The following VSX2 variants were observed in gnomAD, a reference collection of about 807,000 sequenced individuals.
VSX2 encodes visual system homeobox 2.
A neutral mutation model predicts 32.1 loss-of-function variants in VSX2; 28 were observed. That is an observed-to-expected ratio of 0.87 (90% CI 0.65 to 1.20). The LOEUF (loss-of-function observed/expected upper bound fraction) is 1.20. Ranked by LOEUF, VSX2 falls within the 50% of genes most tolerant of loss-of-function variation. The pLI is 0.00. For missense variants in VSX2, 506 were observed against 488.7 expected (o/e 1.04, Z -0.33); for synonymous variants, 243 against 214.1 (o/e 1.14, Z -1.18).
chr14:74,261,703 T>C lies in VSX2; in HGVS notation c.*784T>C, dbSNP rs944317830. ...ATGTACGCTGCGTGCCATGAGTCCA[T>C]GTCCTATGCCTCACAAATGCTGTGG... On this transcript the variant is annotated 3_prime_UTR_variant, in exon 5 of 5. Coordinates refer to ENST00000261980, the MANE Select transcript of VSX2 (RefSeq NM_182894.3). 1.3e-5 allele frequency: 2 copies of C among 152,508 alleles called. No individual in the cohort carries two copies. The highest frequency in any genetic ancestry group is 2.1e-4 in the South Asian group (1 of 4,840). The allele number at this position is 152,508 out of a possible 1,614,324, so 9.4% of individuals were successfully genotyped here. A position where few individuals can be genotyped will look rare whatever the true frequency, so the allele number is the denominator to read the frequency against.
intron 2 of VSX2, among the ~76,000 whole-genome samples, chr14:74,244,915 T>TGAGAGAGAGAGAAAGAGAGAGAGAAA (rs1426281346): frequency 9.4e-5 from 5 of 53,176 alleles, no homozygotes; most frequent in African/African-American, 1.6e-4. Flanking sequence ...TGTGTGTGTG[T>TGAGAGAGAGAGAAAGAGAGAGAGAAA]GTGTGTGTGT....
At chr14:74,258,407 G>C in intron 3 of VSX2, among the ~76,000 whole-genome samples, 1 of 152,184 alleles carries the variant, frequency 6.6e-6, no homozygotes, top group East Asian at 1.9e-4. Context: ...GAGGGGGCCC[G>C]GAGGGAAGGG....
chr14:74,243,126 C>T (rs1423474836), intron 2 of VSX2, among the ~76,000 whole-genome samples: 1 of 152,158 alleles, frequency 6.6e-6, no homozygotes, highest in Non-Finnish European at 1.5e-5. Context: ...TTTACTCGAG[C>T]TTCTGTCATT....
In VSX2 at chr14:74,260,691, C is replaced by A. The variant is rs772616650; in HGVS notation, c.858C>A (p.Asp286Glu). ...ALPKLDKMEQ[D>E]ERGPDAQAAI... is the part of the protein sequence containing the mutation. The stretch of plus-strand genomic sequence containing the variant: ...CCAAGCTCGACAAGATGGAGCAGGA[C>A]GAGCGGGGCCCCGACGCTCAGGCGG... Residue 286 changes from aspartate to glutamate, a missense_variant, in exon 5 of 5, where the codon GAC becomes GAA. Asp to Glu is a conservative substitution (Grantham distance 45). Coordinates refer to ENST00000261980, the MANE Select transcript of VSX2 (RefSeq NM_182894.3). 8 of 1,595,740 alleles carry A rather than the reference C, an allele frequency of 5.0e-6. No individual in the cohort carries two copies. In the South Asian group the frequency reaches 9.1e-5, roughly 18 times the overall value.
chr14:74,244,959 T>TGTGTGTGTGAGAGAGAGAGAGAGAGAAA (rs2079179672), intron 2 of VSX2, among the ~76,000 whole-genome samples: 8 of 95,222 alleles, frequency 8.4e-5, no homozygotes, highest in African/African-American at 3.6e-4. Flanking sequence ...TGTGTGTGTG[T>TGTGTGTGTGAGAGAGAGAGAGAGAGAAA]GTGTGTGTGT....
rs528609224 is a variant in VSX2, at chr14:74,255,730, C to G, written c.580-3872C>G. ...CTCCTGGGGAAGCCAGGGCAGTGCA[C>G]CTTGCCAGGTATCCACACTGGGTGG... On this transcript the variant is annotated intron_variant, in intron 3 of 4. Transcript: ENST00000261980. 5.6e-4 allele frequency among the ~76,000 whole-genome samples: 86 copies of G among 152,248 alleles called. 1 individual carries two copies. The highest frequency in any genetic ancestry group is 2.9e-3 in the Admixed American group (45 of 15,292).
At chr14:74,249,563 C>G (rs1291602499) in intron 3 of VSX2, among the ~76,000 whole-genome samples, 1 of 152,180 alleles carries the variant, frequency 6.6e-6, no homozygotes, top group Non-Finnish European at 1.5e-5. Flanking sequence ...AACCACCATG[C>G]CCGGCATGCT....
intron 1 of VSX2, 45 bp downstream of exon 1, chr14:74,239,976 GC>G: frequency 6.5e-7 from 1 of 1,541,004 alleles, no homozygotes; most frequent in Middle Eastern, 2.3e-4. Flanking sequence ...GGGGGCGACA[GC>G]CGGGAGCCCC....
In VSX2 at chr14:74,261,056, CCTGGTGG is replaced by C. The variant is rs2079304079; in HGVS notation, c.*141_*147del. On this transcript the variant is annotated 3_prime_UTR_variant, in exon 5 of 5. Transcript: ENST00000261980. Reference sequence around the variant, plus strand: ...TGTTCCCCACAGGTCCTCCATCACCCCTGGTGGCTGCAGGCACCGCTGGGTTCTGACT... The same window carrying C: ...TGTTCCCCACAGGTCCTCCATCACCCCTGCAGGCACCGCTGGGTTCTGACT... 1 of 1,054,886 alleles carries C rather than the reference CCTGGTGG, an allele frequency of 9.5e-7. No homozygotes were observed. The highest frequency in any genetic ancestry group is 1.5e-5 in the South Asian group (1 of 66,340). The allele number at this position is 1,054,886 out of a possible 1,614,324, so 65.3% of individuals were successfully genotyped here.
chr14:74,247,965 CA>C lies in VSX2; in HGVS notation c.579+2678del, dbSNP rs141986576. Reference sequence around the variant, plus strand: ...CTCACAGAGCTAGTTCATGTATATTCAGCAGAGTCCTCAGAACACCCATGAG... The same window carrying C: ...CTCACAGAGCTAGTTCATGTATATTCGCAGAGTCCTCAGAACACCCATGAG... On this transcript the variant is annotated intron_variant, in intron 3 of 4. Transcript: ENST00000261980. 1.0e-2 allele frequency among the ~76,000 whole-genome samples: 1,516 copies of C among 152,234 alleles called. 29 individuals are homozygous for C. Among genetic ancestry groups the C allele is most frequent in the African/African-American group, 0.034 (1,415 of 41,538 alleles).
intron 3 of VSX2, among the ~76,000 whole-genome samples, chr14:74,246,375 A>G (rs1314064627): frequency 6.6e-6 from 1 of 151,882 alleles, no homozygotes; most frequent in Non-Finnish European, 1.5e-5. Flanking sequence ...GTTGCTCTGT[A>G]CTCTCTCACT....
intron 4 of VSX2, 74 bp from the exon 5 acceptor site, chr14:74,260,520 A>C: frequency 7.0e-7 from 1 of 1,436,720 alleles, no homozygotes; most frequent in African/African-American, 1.4e-5. Context: ...GCCTCTCTCT[A>C]TCTTTGCCGT....
At position 74,260,862 on chromosome 14, in the gene VSX2, G is replaced by T. The variant is rs865895300; in HGVS notation, c.1029G>T (p.Met343Ile). The T allele has an allele frequency of 6.4e-7, 1 of 1,569,024 alleles. No homozygotes were observed. The highest frequency in any genetic ancestry group is 8.6e-7 in the Non-Finnish European group (1 of 1,157,286). Residue 343 changes from methionine to isoleucine, a missense_variant, in exon 5 of 5, where the codon ATG (methionine) becomes ATT (isoleucine). By Grantham distance (10) the Met-to-Ile change is conservative. Coordinates refer to ENST00000261980, the MANE Select transcript of VSX2 (RefSeq NM_182894.3). ...AGAAGCCAGAGGAGGAGGAGGCCAT[G>T]GATGAAGACAGGCCGGCGGAGAGGC... is the stretch of plus-strand genomic sequence containing the variant. ...STEKPEEEEA[M>I]DEDRPAERLS...
intron 3 of VSX2, among the ~76,000 whole-genome samples, chr14:74,247,800 T>TAA (rs34470396): frequency 7.1e-4 from 103 of 145,470 alleles, no homozygotes; most frequent in Admixed American, 1.2e-3. Context: ...AGGCACTGTT[T>TAA]AAAAAAAAAA....
intron 3 of VSX2, among the ~76,000 whole-genome samples, chr14:74,257,709 A>AACCCCCCCCCCCCCCC (rs2079274474): frequency 7.5e-6 from 1 of 133,980 alleles, no homozygotes. Context: ...CGCGCGGACC[A>AACCCCCCCCCCCCCCC]CCCCCCACCC....
rs143480909 is a variant in VSX2 at position 74,245,241 on chromosome 14, C to G, written c.532C>G (p.Arg178Gly). The stretch of plus-strand genomic sequence containing the variant: ...AGCCCACTACCCAGACGTCTATGCC[C>G]GGGAGATGCTGGCCATGAAAACGGA... ...NEAHYPDVYA[R>G]EMLAMKTELP... is the part of the protein sequence containing the mutation. Residue 178 changes from arginine (R) to glycine (G), a missense_variant, in exon 3 of 5, where the codon CGG becomes GGG. Physicochemically the swap from Arg to Gly is moderately radical, Grantham distance 125. Transcript: ENST00000261980. The G allele has an allele frequency of 6.2e-7, 1 of 1,613,502 alleles. No homozygotes were observed. The highest frequency in any genetic ancestry group is 8.5e-7 in the Non-Finnish European group (1 of 1,179,922).
At chr14:74,249,058 C>A (rs2079213516) in intron 3 of VSX2, among the ~76,000 whole-genome samples, 1 of 152,206 alleles carries the variant, frequency 6.6e-6, no homozygotes, top group Non-Finnish European at 1.5e-5. Context: ...CTGATGAGAA[C>A]CTGCGATGTA....
rs773032493 is a variant in VSX2 at position 74,241,248 on chromosome 14, G to A, written c.437G>A (p.Arg146Gln). Reference sequence around the variant, plus strand: ...TCTGCTTTAAACCAGACCAAGAAACGGAAGAAGCGGCGACACAGGTGAGGC... The same window carrying A: ...TCTGCTTTAAACCAGACCAAGAAACAGAAGAAGCGGCGACACAGGTGAGGC... ...SKSALNQTKK[R>Q]KKRRHRTIFT... Residue 146 changes from arginine (R) to glutamine (Q), a missense_variant, in exon 2 of 5, where the codon CGG (arginine) becomes CAG (glutamine). Arg to Gln is a conservative substitution (Grantham distance 43). Transcript: ENST00000261980. 2.4e-5 allele frequency: 38 copies of A among 1,613,038 alleles called. No homozygotes were observed. The East Asian group carries it at 5.8e-4, about 25-fold the overall frequency.
chr14:74,253,360 C>A (rs773037557), intron 3 of VSX2, among the ~76,000 whole-genome samples: 5 of 152,090 alleles, frequency 3.3e-5, no homozygotes, highest in African/African-American at 4.8e-5. Context: ...TTGTCAGAAC[C>A]AACAGTCCAC....
Sources: gnomAD v4.1 joint callset for allele counts (sites outside exome capture counted in the v4.1 genomes callset) on GRCh38, gnomAD v4.1.1 for gene constraint, MANE v1.5 for transcripts, NCBI Gene and HGNC (gene_info 2026-07-23, HGNC 2026-07-21) for gene names.